The following SLC8A3 variants were observed in gnomAD, a reference collection of about 807,000 sequenced individuals.
SLC8A3 encodes the protein sodium/calcium exchanger 3.
In SLC8A3, 37 loss-of-function variants were observed where a neutral mutation model predicts 65.4. That is an observed-to-expected ratio of 0.57 (90% CI 0.44 to 0.74). The LOEUF (loss-of-function observed/expected upper bound fraction) is 0.74, where lower values mean the gene tolerates loss of function less well. SLC8A3 is among the 30% of genes least tolerant of loss of function. The pLI, the probability that SLC8A3 is intolerant of heterozygous loss-of-function variation, is 0.00. For missense variants in SLC8A3, 1,112 were observed against 1,172.1 expected (o/e 0.95, Z 0.75); for synonymous variants, 461 against 444.5 (o/e 1.04, Z -0.47).
chr14:70,169,030 G>A (rs1594798199), intron 1 of SLC8A3, among the ~76,000 whole-genome samples: 1 of 152,152 alleles, frequency 6.6e-6, no homozygotes, highest in South Asian at 2.1e-4. Flanking sequence ...TATACCAAGT[G>A]ACTGTCCACC....
intron 2 of SLC8A3, among the ~76,000 whole-genome samples, chr14:70,154,441 T>C (rs1896455777): frequency 6.6e-6 from 1 of 152,220 alleles, no homozygotes; most frequent in Non-Finnish European, 1.5e-5. Context: ...TTCTTAACAA[T>C]GCATTAATAC....
intron 2 of SLC8A3, among the ~76,000 whole-genome samples, chr14:70,129,092 A>G (rs1227184781): frequency 4.6e-5 from 7 of 152,178 alleles, no homozygotes; most frequent in African/African-American, 1.7e-4. Flanking sequence ...TTTTTCCTAT[A>G]CAGGGTAGAC....
At chr14:70,079,688 C>A (rs7161025) in intron 2 of SLC8A3, among the ~76,000 whole-genome samples, 11,532 of 152,188 alleles carry the variant, frequency 0.076, 516 homozygotes, top group Non-Finnish European at 0.11. Context: ...CTTGCCAACC[C>A]TCCCCCTTCA....
intron 2 of SLC8A3, among the ~76,000 whole-genome samples, chr14:70,126,957 G>A (rs751107211): frequency 6.6e-6 from 1 of 151,954 alleles, no homozygotes; most frequent in African/African-American, 2.4e-5. Context: ...TTTGGGTAAG[G>A]AATACTCAAC....
Position 70,046,088 on chromosome 14 carries a change from G to C in SLC8A3, c.2625C>G (p.Tyr875Ter). 6.2e-7 allele frequency: 1 copy of C among 1,614,176 alleles called. No homozygotes were observed. Among genetic ancestry groups the C allele is most frequent in the Non-Finnish European group, 8.5e-7 (1 of 1,180,022 alleles). ...FAFVCISVLL[Y>*]RRRPHLGGEL... is the part of the protein sequence containing the mutation. ...CCCCTCCCAGGTGCGGCCGCCTTCG[G>C]TACAAGAGCACGCTGATGCAGACAA... is the stretch of plus-strand genomic sequence containing the variant. Residue 875 changes from tyrosine to a stop codon, truncating the protein, a stop_gained, in exon 7 of 7, where the codon TAC (tyrosine) becomes TAG (stop). Transcript: ENST00000356921. LOFTEE classifies it high-confidence loss of function. The surrounding 1 kb of genome is among the most constrained non-coding windows in gnomAD (Gnocchi z 4.2).
intron 2 of SLC8A3, among the ~76,000 whole-genome samples, chr14:70,068,166 G>A (rs1050295210): frequency 1.3e-5 from 2 of 152,168 alleles, no homozygotes; most frequent in Non-Finnish European, 2.9e-5. Context: ...TCAGGCCTCT[G>A]ATCCTCAGGG....
At chr14:70,104,405 T>C (rs1312201923) in intron 2 of SLC8A3, among the ~76,000 whole-genome samples, 1 of 152,116 alleles carries the variant, frequency 6.6e-6, no homozygotes, top group Non-Finnish European at 1.5e-5. Context: ...TTTCTCTCTT[T>C]AGTTCTGTCA....
chr14:70,114,627 A>G (rs562756057), intron 2 of SLC8A3, among the ~76,000 whole-genome samples: 1 of 152,322 alleles, frequency 6.6e-6, no homozygotes, highest in African/African-American at 2.4e-5. Context: ...CTCCTCTGGC[A>G]ATTCCATTAA....
intron 1 of SLC8A3, among the ~76,000 whole-genome samples, chr14:70,174,206 G>A (rs1897723681): frequency 6.6e-6 from 1 of 152,212 alleles, no homozygotes; most frequent in Non-Finnish European, 1.5e-5. Flanking sequence ...AGGGCAGGCT[G>A]AGTCTTTCTA....
chr14:70,077,940 C>G lies in SLC8A3; in HGVS notation c.1785-17001G>C, dbSNP rs150902620. 3.3e-5 allele frequency among the ~76,000 whole-genome samples: 5 copies of G among 152,330 alleles called. No homozygotes were observed. The East Asian group carries it at 9.6e-4, about 29-fold the overall frequency. On this transcript the variant is annotated intron_variant, in intron 2 of 6. Coordinates refer to ENST00000356921, the MANE Select transcript of SLC8A3 (RefSeq NM_182932.3). ...GATGGCTTGTAGCCAATACTCATTTCAAGCAGGACATTTACATATTCCTGT... is the reference window on the plus strand; with the variant it reads ...GATGGCTTGTAGCCAATACTCATTTGAAGCAGGACATTTACATATTCCTGT...
rs542218985 is a variant in SLC8A3 at position 70,127,927 on chromosome 14, A to T, written c.1784+38712T>A. ...CACCTCCATTCTGTTTACCTTATAA[A>T]CTGTGTCCCTCATTCTGATCCTATC... On this transcript the variant is annotated intron_variant, in intron 2 of 6. Transcript: ENST00000356921. Among the ~76,000 whole-genome samples, 13 of 152,130 alleles carry T rather than the reference A, an allele frequency of 8.5e-5. 1 individual carries two copies. Among genetic ancestry groups the T allele is most frequent in the African/African-American group, 3.1e-4 (13 of 41,502 alleles).
chr14:70,103,099 T>C (rs1020334852), intron 2 of SLC8A3, among the ~76,000 whole-genome samples: 2 of 151,884 alleles, frequency 1.3e-5, no homozygotes, highest in African/African-American at 2.4e-5. Flanking sequence ...AAAGAGCAAA[T>C]AATCAATGAC....
intron 3 of SLC8A3, chr14:70,055,812 C>T (rs199831193): frequency 3.2e-5 from 51 of 1,610,006 alleles, no homozygotes; most frequent in Admixed American, 1.7e-4. Context: ...ATAACAGGAG[C>T]GCTGTTTGCA....
chr14:70,060,798 C>CT lies in SLC8A3; in HGVS notation c.1888+37dup, dbSNP rs529685481. 1.1e-3 allele frequency: 1,134 copies of CT among 1,068,492 alleles called. 3 individuals carry two copies. The highest frequency in any genetic ancestry group is 5.0e-3 in the South Asian group (373 of 74,750). 66.2% of individuals were successfully genotyped at this position (1,068,492 alleles called of 1,614,324 possible). On this transcript the variant is annotated intron_variant, in intron 3 of 6. Coordinates refer to ENST00000356921, the MANE Select transcript of SLC8A3 (RefSeq NM_182932.3). Reference sequence around the variant, plus strand: ...TTTCAGTTTGTTTTAATTTTTCTTTCTTTTTTTTTGTTGTTTTGTTTTTAA... The same window carrying CT: ...TTTCAGTTTGTTTTAATTTTTCTTTCTTTTTTTTTTGTTGTTTTGTTTTTAA...
chr14:70,188,096 C>T (rs1377387971), intron 1 of SLC8A3, among the ~76,000 whole-genome samples: 2 of 152,134 alleles, frequency 1.3e-5, no homozygotes, highest in Non-Finnish European at 2.9e-5. Context: ...CTCTCTCTGC[C>T]CCTCCCCACC....
chr14:70,118,341 C>T (rs1893798644), intron 2 of SLC8A3, among the ~76,000 whole-genome samples: 1 of 152,178 alleles, frequency 6.6e-6, no homozygotes, highest in African/African-American at 2.4e-5. Flanking sequence ...CCCTCTGACA[C>T]CTTGCGTTCT....
At chr14:70,149,696 AG>A (rs1212019337) in intron 2 of SLC8A3, among the ~76,000 whole-genome samples, 1 of 152,144 alleles carries the variant, frequency 6.6e-6, no homozygotes, top group Non-Finnish European at 1.5e-5. Context: ...CCCACTGGCA[AG>A]TGATTTCACA....
chr14:70,068,706 C>T (rs557741793), intron 2 of SLC8A3, among the ~76,000 whole-genome samples: 9 of 152,020 alleles, frequency 5.9e-5, no homozygotes, highest in Non-Finnish European at 1.2e-4. Context: ...CTTATTTCTG[C>T]TTTATTAACA....
chr14:70,178,911 G>A (rs761410166), intron 1 of SLC8A3, among the ~76,000 whole-genome samples: 2 of 152,096 alleles, frequency 1.3e-5, no homozygotes, highest in Non-Finnish European at 1.5e-5. Flanking sequence ...AAATCAGATA[G>A]ATCATGCAAT....
Sources: gnomAD v4.1 joint callset for allele counts (sites outside exome capture counted in the v4.1 genomes callset) on GRCh38, gnomAD v4.1.1 for gene constraint, Gnocchi (gnomAD v3.1) non-coding constraint, MANE v1.5 for transcripts, NCBI Gene and HGNC (gene_info 2026-07-23, HGNC 2026-07-21) for gene names.